Variants in UNC5D observed in about 807,000 individuals in gnomAD.
The protein encoded by UNC5D is unc-5 netrin receptor D, also known as netrin receptor UNC5D.
In UNC5D, 39 loss-of-function variants were observed where a neutral mutation model predicts 105.4. That is an observed-to-expected ratio of 0.37 (90% CI 0.29 to 0.48). The LOEUF (loss-of-function observed/expected upper bound fraction) is 0.48, where lower values mean the gene tolerates loss of function less well. Among genes scored for constraint, UNC5D ranks in the 20% least tolerant of loss-of-function variants. UNC5D has a pLI of 0.98. For synonymous variants in UNC5D, 452 were observed against 450.4 expected, an observed-to-expected ratio of 1.00 and a Z score of -0.04; for missense variants, 991 against 1,202.4, an observed-to-expected ratio of 0.82 and a Z score of 2.60.
intron 2 of UNC5D, 119 bp downstream of exon 2, chr8:35,549,629 AC>A: frequency 1.1e-6 from 1 of 905,866 alleles, no homozygotes; most frequent in Non-Finnish European, 1.7e-6. Context: ...GGTCATAGTT[AC>A]ATCACTCCCA....
intron 1 of UNC5D, among the ~76,000 whole-genome samples, chr8:35,474,822 A>G (rs1016323334): frequency 6.6e-6 from 1 of 152,160 alleles, no homozygotes; most frequent in African/African-American, 2.4e-5. Context: ...GACTAATAAA[A>G]CTTTCTATAA....
intron 4 of UNC5D, among the ~76,000 whole-genome samples, chr8:35,620,048 A>G (rs1268459306): frequency 6.6e-6 from 1 of 152,150 alleles, no homozygotes; most frequent in Non-Finnish European, 1.5e-5. Flanking sequence ...TCCCTCATTC[A>G]GAATAAAAGT....
intron 4 of UNC5D, among the ~76,000 whole-genome samples, chr8:35,659,951 TG>T (rs1343456636): frequency 6.6e-6 from 1 of 152,192 alleles, no homozygotes; most frequent in Non-Finnish European, 1.5e-5. Context: ...AGAACTGGCA[TG>T]AATGAAGAAA....
chr8:35,719,187 C>T (rs116437990), intron 8 of UNC5D, among the ~76,000 whole-genome samples: 365 of 147,544 alleles, frequency 2.5e-3, no homozygotes, highest in African/African-American at 9.2e-3. Context: ...CACACACACA[C>T]GACTTTCTCC....
At chr8:35,568,317 GA>G (rs1195988168) in intron 3 of UNC5D, 76 bp downstream of exon 3, 2 of 1,521,688 alleles carry the variant, frequency 1.3e-6, no homozygotes, top group Non-Finnish European at 1.8e-6. Flanking sequence ...AGGTTTTACA[GA>G]TGTCAGATGC....
intron 1 of UNC5D, among the ~76,000 whole-genome samples, chr8:35,253,649 G>A (rs1803873255): frequency 6.6e-6 from 1 of 151,756 alleles, no homozygotes; most frequent in Non-Finnish European, 1.5e-5. Flanking sequence ...ACCACGCCCA[G>A]CTAATTTTTT....
chr8:35,517,202 G>A (rs1813154726), intron 1 of UNC5D, among the ~76,000 whole-genome samples: 1 of 151,982 alleles, frequency 6.6e-6, no homozygotes, highest in South Asian at 2.1e-4. Context: ...TTTCAGACAC[G>A]TGCCTCTCTT....
intron 1 of UNC5D, chr8:35,254,382 T>C (rs1348277913): frequency 6.6e-6 from 1 of 152,202 alleles, no homozygotes; most frequent in Non-Finnish European, 1.5e-5. Context: ...ACTGTCTCTT[T>C]TTTTCTTGAG....
chr8:35,576,874 A>T (rs1054562999), intron 3 of UNC5D, among the ~76,000 whole-genome samples: 1 of 152,114 alleles, frequency 6.6e-6, no homozygotes, highest in South Asian at 2.1e-4. Flanking sequence ...CGGCCTCCCA[A>T]AGTGCTAGGA....
At chr8:35,297,713 T>G (rs1807600191) in intron 1 of UNC5D, among the ~76,000 whole-genome samples, 1 of 152,120 alleles carries the variant, frequency 6.6e-6, no homozygotes, top group Admixed American at 6.6e-5. Flanking sequence ...CCTCCGGATT[T>G]AATACATTAT....
At chr8:35,434,885 A>C (rs1414100702) in intron 1 of UNC5D, among the ~76,000 whole-genome samples, 1 of 152,130 alleles carries the variant, frequency 6.6e-6, no homozygotes, top group Non-Finnish European at 1.5e-5. Context: ...TGATGTGGTC[A>C]GTTATTAGTG....
intron 1 of UNC5D, among the ~76,000 whole-genome samples, chr8:35,380,978 C>A (rs190387264): frequency 6.4e-4 from 91 of 142,766 alleles, no homozygotes; most frequent in Admixed American, 1.4e-3. Context: ...TAAAAGGGAA[C>A]GGTATTGTTT....
intron 1 of UNC5D, among the ~76,000 whole-genome samples, chr8:35,504,505 A>G (rs913984336): frequency 5.3e-5 from 8 of 152,122 alleles, no homozygotes; most frequent in Admixed American, 3.9e-4. Flanking sequence ...CCTGAGGTGT[A>G]ATGTGAGGAA....
chr8:35,312,952 C>T (rs1481346077), intron 1 of UNC5D, among the ~76,000 whole-genome samples: 2 of 152,196 alleles, frequency 1.3e-5, no homozygotes, highest in South Asian at 2.1e-4. Flanking sequence ...TTAGGATGCA[C>T]TCACATGACC....
chr8:35,460,544 A>C (rs1248744657), intron 1 of UNC5D, among the ~76,000 whole-genome samples: 3 of 152,234 alleles, frequency 2.0e-5, no homozygotes, highest in African/African-American at 7.2e-5. Context: ...AAACCAAGGA[A>C]ATGCAATAGC....
At chr8:35,404,689 G>A (rs950995694) in intron 1 of UNC5D, among the ~76,000 whole-genome samples, 1 of 152,096 alleles carries the variant, frequency 6.6e-6, no homozygotes, top group African/African-American at 2.4e-5. Flanking sequence ...CTGGGTTCAA[G>A]AGATTCTCCT....
chr8:35,670,149 AAATTCAAGAACAGCCATCATTACCCTT>A (rs1824683906), intron 4 of UNC5D, among the ~76,000 whole-genome samples: 1 of 152,188 alleles, frequency 6.6e-6, no homozygotes, highest in African/African-American at 2.4e-5. Context: ...GTGAAAGAAC[AAATTCAAGAACAGCCATCATTACCCTT>A]AACAGTCAAA....
chr8:35,236,763 A>G (rs1802499130), intron 1 of UNC5D, among the ~76,000 whole-genome samples: 1 of 152,208 alleles, frequency 6.6e-6, no homozygotes, highest in South Asian at 2.1e-4. Flanking sequence ...AGATGATCAG[A>G]GGCAGTTTCA....
chr8:35,666,795 T>C (rs1310815420), intron 4 of UNC5D, among the ~76,000 whole-genome samples: 1 of 152,210 alleles, frequency 6.6e-6, no homozygotes, highest in Admixed American at 6.5e-5. Context: ...TGAAATTGCA[T>C]GGTCAACTGA....
Sources: allele counts gnomAD v4.1 joint callset (sites outside exome capture counted in the v4.1 genomes callset), GRCh38; gene constraint gnomAD v4.1.1; transcripts MANE v1.5; gene names NCBI Gene and HGNC (gene_info 2026-07-23, HGNC 2026-07-21).